ITSN1: variants seen among roughly 807,000 people sequenced by gnomAD.
ITSN1 encodes intersectin 1, also known as intersectin-1.
Under a neutral mutation model 239.8 loss-of-function variants are expected in ITSN1, and 58 were observed. That is an observed-to-expected ratio of 0.24 (90% CI 0.20 to 0.30). The LOEUF (loss-of-function observed/expected upper bound fraction) is 0.30. ITSN1 is among the 10% of genes least tolerant of loss of function. The probability of loss-of-function intolerance (pLI) is 1.00; values close to 1 mark genes in which losing one functional copy is unlikely to be tolerated. For missense variants in ITSN1, 1,558 were observed against 2,103.3 expected, an observed-to-expected ratio of 0.74 and a Z score of 5.07; for synonymous variants, 780 against 770.8, an observed-to-expected ratio of 1.01 and a Z score of -0.20.
Position 33,886,445 on chromosome 21 carries a change from C to A in ITSN1, c.5002C>A (p.Gln1668Lys). 1 of 1,584,556 alleles carries A rather than the reference C, an allele frequency of 6.3e-7. No individual in the cohort carries two copies. ...CTGCATCACTGTGTTCGAGAGGGAC[C>A]AGTTCTCACCAGATGGTGAGTGGAA... ...VLCITVFERD[Q>K]FSPDDFLGRT... The change falls in exon 39 of 40, where the codon CAG becomes AAG. Residue 1668 changes from glutamine to lysine, a missense_variant. Physicochemically the swap from Gln to Lys is moderately conservative, Grantham distance 53. Transcript: ENST00000381318.
chr21:33,744,108 C>T (rs1315146669), intron 5 of ITSN1, among the ~76,000 whole-genome samples: 2 of 152,118 alleles, frequency 1.3e-5, no homozygotes, highest in Non-Finnish European at 2.9e-5. Flanking sequence ...GAGAGAGTAT[C>T]GGATGTAATT....
rs1569254945 is a variant in ITSN1 at position 33,823,625 on chromosome 21, C to G, written c.3155C>G (p.Ser1052Cys). The change falls in exon 25 of 40, where the codon TCT (serine) becomes TGT (cysteine). Residue 1052 changes from serine (S) to cysteine (C), a missense_variant. Coordinates refer to ENST00000381318, the MANE Select transcript of ITSN1 (RefSeq NM_003024.3). ...GGCGACAAGGCCGGAGTCTTCCCTTCTAACTATGTGAGGCTTAAAGATTCA... is the reference window on the plus strand; with the variant it reads ...GGCGACAAGGCCGGAGTCTTCCCTTGTAACTATGTGAGGCTTAAAGATTCA... ...TVGDKAGVFP[S>C]NYVRLKDSEG... is the part of the protein sequence containing the mutation. 4 of 1,614,116 alleles carry G rather than the reference C, an allele frequency of 2.5e-6. No homozygotes were observed. Among genetic ancestry groups the G allele is most frequent in the East Asian group, 2.2e-5 (1 of 44,890 alleles).
At chr21:33,665,612 G>T (rs1172979530) in intron 1 of ITSN1, among the ~76,000 whole-genome samples, 1 of 152,124 alleles carries the variant, frequency 6.6e-6, no homozygotes, top group African/African-American at 2.4e-5. Context: ...GAGTTATATG[G>T]CTTAGCAATT....
chr21:33,644,288 A>G (rs1481253642), intron 1 of ITSN1, among the ~76,000 whole-genome samples: 2 of 152,234 alleles, frequency 1.3e-5, no homozygotes, highest in South Asian at 4.1e-4. Context: ...CTTAGTGCAG[A>G]TGGGTTTGTA....
At chr21:33,662,555 CTG>C (rs1216078931) in intron 1 of ITSN1, among the ~76,000 whole-genome samples, 3 of 152,116 alleles carry the variant, frequency 2.0e-5, no homozygotes, top group African/African-American at 7.2e-5. Context: ...AGGGAAAAAA[CTG>C]ATTTCCTTTA....
chr21:33,705,917 T>C (rs1383525661), intron 1 of ITSN1, among the ~76,000 whole-genome samples: 5 of 152,246 alleles, frequency 3.3e-5, no homozygotes, highest in Non-Finnish European at 7.3e-5. Flanking sequence ...TTTAATTTTT[T>C]TTCTGAAAGC....
chr21:33,731,240 C>G (rs2066165817), intron 4 of ITSN1, among the ~76,000 whole-genome samples: 1 of 152,290 alleles, frequency 6.6e-6, no homozygotes, highest in Non-Finnish European at 1.5e-5. Context: ...GTCTTCTCCC[C>G]TAACCTACTC....
At chr21:33,780,142 A>G (rs1013913279) in intron 14 of ITSN1, among the ~76,000 whole-genome samples, 2 of 152,142 alleles carry the variant, frequency 1.3e-5, no homozygotes, top group African/African-American at 2.4e-5. Flanking sequence ...TTAACTCTTG[A>G]GGTAAAGTTT....
chr21:33,799,044 C>G (rs1228781274), intron 18 of ITSN1, among the ~76,000 whole-genome samples: 1 of 152,084 alleles, frequency 6.6e-6, no homozygotes, highest in Non-Finnish European at 1.5e-5. Context: ...TAATACTTCC[C>G]CCTCGTTGCT....
intron 1 of ITSN1, among the ~76,000 whole-genome samples, chr21:33,693,220 T>G (rs1307688010): frequency 2.6e-5 from 4 of 152,216 alleles, no homozygotes; most frequent in African/African-American, 7.2e-5. Context: ...TTTATTCAAT[T>G]TTCTAAGAAA....
chr21:33,745,166 G>T (rs1329751564), intron 5 of ITSN1, among the ~76,000 whole-genome samples: 2 of 152,192 alleles, frequency 1.3e-5, no homozygotes, highest in African/African-American at 4.8e-5. Flanking sequence ...TTGCCAAAGA[G>T]ATCCACCGTC....
At chr21:33,879,848 T>C (rs1357611031) in intron 34 of ITSN1, among the ~76,000 whole-genome samples, 2 of 152,084 alleles carry the variant, frequency 1.3e-5, no homozygotes, top group African/African-American at 2.4e-5. Context: ...CCCAGCTAAT[T>C]TTTGTATTTT....
intron 20 of ITSN1, among the ~76,000 whole-genome samples, chr21:33,808,459 C>G (rs555147390): frequency 6.6e-6 from 1 of 151,892 alleles, no homozygotes; most frequent in East Asian, 1.9e-4. Flanking sequence ...GTGGTGGGCA[C>G]CTGTAATCCC....
intron 2 of ITSN1, 78 bp from the exon 3 acceptor site, chr21:33,721,100 C>A: frequency 1.2e-6 from 1 of 868,646 alleles, no homozygotes; most frequent in Non-Finnish European, 2.0e-6. Context: ...TCTTGAAGTG[C>A]TGTGGAAATA....
chr21:33,738,378 A>G (rs757449608), intron 5 of ITSN1, among the ~76,000 whole-genome samples: 33 of 151,960 alleles, frequency 2.2e-4, no homozygotes, highest in Non-Finnish European at 4.4e-4. Context: ...ATTTCTAACA[A>G]AGGAGATAGA....
chr21:33,887,319 C>CAAAA (rs35001467), intron 39 of ITSN1, among the ~76,000 whole-genome samples: 1 of 144,298 alleles, frequency 6.9e-6, no homozygotes, highest in African/African-American at 2.5e-5. Flanking sequence ...ATCCTGTCTC[C>CAAAA]AAAAAAAAAA....
At chr21:33,647,133 C>T (rs1415538651) in intron 1 of ITSN1, among the ~76,000 whole-genome samples, 1 of 152,162 alleles carries the variant, frequency 6.6e-6, no homozygotes, top group East Asian at 1.9e-4. Flanking sequence ...TACTAAATCT[C>T]CTGATCTCTT....
chr21:33,775,027 C>T lies in ITSN1; in HGVS notation c.1515C>T (p.Thr505=). ...KLQDIRCRLT[T]QRQEIESTNK... Reference sequence around the variant, plus strand: ...AAGATATCAGATGTCGATTGACCACCCAAAGGCAAGAAATTGAGAGCACAA... The same window carrying T: ...AAGATATCAGATGTCGATTGACCACTCAAAGGCAAGAAATTGAGAGCACAA... Residue 505 remains threonine (T), a synonymous_variant, in exon 14 of 40, where the codon ACC becomes ACT. Coordinates refer to ENST00000381318, the MANE Select transcript of ITSN1 (RefSeq NM_003024.3). The T allele has an allele frequency of 6.2e-7, 1 of 1,613,818 alleles. No homozygotes were observed. The highest frequency in any genetic ancestry group is 8.5e-7 in the Non-Finnish European group (1 of 1,179,860).
chr21:33,772,727 T>TA (rs2069263928), intron 12 of ITSN1, among the ~76,000 whole-genome samples: 1 of 152,218 alleles, frequency 6.6e-6, no homozygotes, highest in Non-Finnish European at 1.5e-5. Flanking sequence ...AATATTTCGT[T>TA]ATATGGGTAT....
Sources: allele counts gnomAD v4.1 joint callset (sites outside exome capture counted in the v4.1 genomes callset), GRCh38; gene constraint gnomAD v4.1.1; transcripts MANE v1.5; gene names NCBI Gene and HGNC (gene_info 2026-07-23, HGNC 2026-07-21).